DCDC1: variants seen among roughly 807,000 people sequenced by gnomAD.
DCDC1 encodes doublecortin domain containing 1, also known as doublecortin domain-containing protein 1.
A neutral mutation model predicts 178.3 loss-of-function variants in DCDC1; 200 were observed. The observed-to-expected ratio is 1.12, with a 90% CI of 1.00 to 1.26. The LOEUF is 1.26. DCDC1 is among the 50% of genes most tolerant of loss of function. DCDC1 has a pLI of 0.00. For synonymous variants in DCDC1, 690 were observed against 604.8 expected (o/e 1.14, Z -2.07); for missense variants, 1,983 against 1,749.2 (o/e 1.13, Z -2.38).
intron 20 of DCDC1, among the ~76,000 whole-genome samples, chr11:31,037,743 G>T (rs367919823): frequency 6.6e-6 from 1 of 152,062 alleles, no homozygotes; most frequent in East Asian, 1.9e-4. Context: ...GATTACAGGC[G>T]TGAGCCACTG....
intron 9 of DCDC1, among the ~76,000 whole-genome samples, chr11:31,198,123 G>A (rs1193520927): frequency 1.3e-5 from 2 of 152,026 alleles, no homozygotes; most frequent in Non-Finnish European, 2.9e-5. Context: ...AGAGGCATAT[G>A]TTATTATACC....
At position 31,005,721 on chromosome 11, in the gene DCDC1, C is replaced by G. The variant is rs139745542; in HGVS notation, c.2592-53153G>C. Among the ~76,000 whole-genome samples the G allele has an allele frequency of 4.4e-3, 663 of 152,126 alleles. 5 individuals are homozygous for G. The highest frequency in any genetic ancestry group is 0.015 in the South Asian group (74 of 4,822). On this transcript the variant is annotated intron_variant, in intron 20 of 38. Transcript: ENST00000684477. ...CTCTCCTACAGATAGTCTCTTCAGC[C>G]TTCACCATCAGCCAATGACAGTTTA... is the stretch of plus-strand genomic sequence containing the variant.
At chr11:30,981,741 A>G (rs1273768645) in intron 20 of DCDC1, among the ~76,000 whole-genome samples, 1 of 152,200 alleles carries the variant, frequency 6.6e-6, no homozygotes, top group Non-Finnish European at 1.5e-5. Flanking sequence ...TTCCCTAGCT[A>G]ATAAAGATCT....
intron 9 of DCDC1, among the ~76,000 whole-genome samples, chr11:31,145,019 T>C (rs539136877): frequency 6.6e-6 from 1 of 152,296 alleles, no homozygotes; most frequent in South Asian, 2.1e-4. Flanking sequence ...AATATTTAAG[T>C]TACCAAAAGT....
At chr11:31,124,572 G>C (rs577880991) in intron 11 of DCDC1, among the ~76,000 whole-genome samples, 2 of 152,186 alleles carry the variant, frequency 1.3e-5, no homozygotes, top group South Asian at 2.1e-4. Flanking sequence ...CATGGTACTG[G>C]TACAAGAACA....
At chr11:31,102,703 T>C (rs1958590578) in intron 14 of DCDC1, among the ~76,000 whole-genome samples, 2 of 152,236 alleles carry the variant, frequency 1.3e-5, no homozygotes, top group Non-Finnish European at 2.9e-5. Flanking sequence ...GTGTCCAATA[T>C]GGTAGTCACT....
intron 1 of DCDC1, among the ~76,000 whole-genome samples, chr11:31,361,423 C>T (rs543197623): frequency 2.0e-3 from 309 of 152,290 alleles, no homozygotes; most frequent in Middle Eastern, 0.017. Flanking sequence ...CAATACCTAT[C>T]TTTAGAGAGA....
At chr11:31,262,524 C>T (rs186497936) in intron 8 of DCDC1, 19 of 152,178 alleles carry the variant, frequency 1.2e-4, no homozygotes, top group African/African-American at 4.3e-4. Context: ...CACTTCTAAT[C>T]TGTGCTTATA....
At position 30,901,964 on chromosome 11, in the gene DCDC1, A is replaced by C. The variant is rs373479343; in HGVS notation, c.4511-1466T>G. 3.3e-5 allele frequency among the ~76,000 whole-genome samples: 5 copies of C among 152,280 alleles called. No homozygotes were observed. The South Asian group carries it at 1.0e-3, about 32-fold the overall frequency. ...GTTATATATGTGCGTGTGTGTATAT[A>C]AATACACAAATGACTATTATTCATA... On this transcript the variant is annotated intron_variant, in intron 32 of 38. Transcript: ENST00000684477.
intron 8 of DCDC1, among the ~76,000 whole-genome samples, chr11:31,255,248 G>A (rs532489343): frequency 1.3e-5 from 2 of 152,192 alleles, no homozygotes; most frequent in Non-Finnish European, 2.9e-5. Context: ...GTATAGTGTT[G>A]CTATAAACAT....
chr11:31,279,324 A>G (rs1395726582), intron 7 of DCDC1, among the ~76,000 whole-genome samples: 4 of 152,132 alleles, frequency 2.6e-5, no homozygotes, highest in African/African-American at 9.7e-5. Flanking sequence ...TCACAAATAC[A>G]CAGCAGTTCT....
chr11:31,058,191 G>C (rs1378418731), intron 20 of DCDC1, among the ~76,000 whole-genome samples: 6 of 152,160 alleles, frequency 3.9e-5, no homozygotes, highest in Admixed American at 2.0e-4. Context: ...GTAGATCATA[G>C]GGCTATAGTT....
At chr11:31,013,699 A>G (rs1046545170) in intron 20 of DCDC1, among the ~76,000 whole-genome samples, 6 of 152,232 alleles carry the variant, frequency 3.9e-5, no homozygotes, top group African/African-American at 1.4e-4. Context: ...CACATAATAG[A>G]ATATTTATTT....
chr11:31,332,722 G>A (rs950201532), intron 2 of DCDC1, among the ~76,000 whole-genome samples: 4 of 152,132 alleles, frequency 2.6e-5, no homozygotes, highest in Non-Finnish European at 5.9e-5. Flanking sequence ...GTTTTAATTT[G>A]ATTGCACTGT....
At chr11:31,061,456 T>A (rs1479892803) in intron 20 of DCDC1, among the ~76,000 whole-genome samples, 1 of 151,996 alleles carries the variant, frequency 6.6e-6, no homozygotes, top group East Asian at 1.9e-4. Flanking sequence ...TTAGATTGTG[T>A]GTGTGTGTGT....
At chr11:31,010,475 T>C (rs1028838564) in intron 20 of DCDC1, among the ~76,000 whole-genome samples, 8 of 152,234 alleles carry the variant, frequency 5.3e-5, no homozygotes, top group African/African-American at 1.9e-4. Flanking sequence ...AGTAGGAAAG[T>C]GTCCCACTCT....
intron 20 of DCDC1, among the ~76,000 whole-genome samples, chr11:31,019,888 A>G (rs1176246262): frequency 6.6e-6 from 1 of 150,852 alleles, no homozygotes; most frequent in African/African-American, 2.4e-5. Flanking sequence ...CCCACCCCCC[A>G]GTCTGTCTTT....
intron 20 of DCDC1, among the ~76,000 whole-genome samples, chr11:31,036,872 T>C (rs971273177): frequency 6.6e-6 from 1 of 152,230 alleles, no homozygotes; most frequent in Non-Finnish European, 1.5e-5. Context: ...ACTTATTATA[T>C]GATAAGCATT....
chr11:31,135,359 AG>A (rs1317152353), intron 10 of DCDC1, among the ~76,000 whole-genome samples: 2 of 152,184 alleles, frequency 1.3e-5, no homozygotes, highest in African/African-American at 4.8e-5. Flanking sequence ...TCTAATCAAA[AG>A]TTTTTTAAGC....
Sources: allele counts gnomAD v4.1 joint callset (sites outside exome capture counted in the v4.1 genomes callset), GRCh38; gene constraint gnomAD v4.1.1; transcripts MANE v1.5; gene names NCBI Gene and HGNC (gene_info 2026-07-23, HGNC 2026-07-21).